The following TMEM132D variants were observed in gnomAD, a reference collection of about 807,000 sequenced individuals.
TMEM132D encodes the protein mature OL transmembrane protein.
In TMEM132D, 21 loss-of-function variants were observed where a neutral mutation model predicts 62.3. That is an observed-to-expected ratio of 0.34 (90% CI 0.24 to 0.49). The LOEUF is 0.49. TMEM132D is among the 20% of genes least tolerant of loss of function. TMEM132D has a pLI of 0.99. For missense variants in TMEM132D, 1,346 were observed against 1,402.8 expected (o/e 0.96, Z 0.65); for synonymous variants, 621 against 575.6 (o/e 1.08, Z -1.13).
intron 2 of TMEM132D, among the ~76,000 whole-genome samples, chr12:129,644,984 TAAAAAAAAAAA>T (rs749612311): frequency 7.9e-5 from 5 of 63,414 alleles, no homozygotes; most frequent in South Asian, 7.3e-4. Flanking sequence ...ATAGTCCATC[TAAAAAAAAAAA>T]AAAAAAAAAA....
At chr12:129,436,354 A>T (rs1008845357) in intron 3 of TMEM132D, among the ~76,000 whole-genome samples, 3 of 152,220 alleles carry the variant, frequency 2.0e-5, no homozygotes, top group Non-Finnish European at 4.4e-5. Flanking sequence ...TACCGCATGC[A>T]TCATCGAAAG....
At chr12:129,238,478 C>A (rs1183256443) in intron 4 of TMEM132D, among the ~76,000 whole-genome samples, 1 of 152,138 alleles carries the variant, frequency 6.6e-6, no homozygotes, top group African/African-American at 2.4e-5. Context: ...ACAACAACTT[C>A]CCTTTACCTT....
intron 2 of TMEM132D, among the ~76,000 whole-genome samples, chr12:129,540,137 C>CT (rs1876545340): frequency 1.3e-5 from 2 of 152,202 alleles, no homozygotes; most frequent in South Asian, 4.1e-4. Context: ...GAGCTACATG[C>CT]TTTCTGCACA....
intron 3 of TMEM132D, among the ~76,000 whole-genome samples, chr12:129,450,699 A>G (rs577253548): frequency 1.1e-3 from 167 of 151,674 alleles, no homozygotes; most frequent in Non-Finnish European, 2.1e-3. Context: ...CATTCAGGCA[A>G]TCACTGAGCA....
intron 2 of TMEM132D, among the ~76,000 whole-genome samples, chr12:129,567,973 TGC>T (rs1877414328): frequency 6.6e-6 from 1 of 152,228 alleles, no homozygotes; most frequent in Admixed American, 6.5e-5. Flanking sequence ...AGGGATGGAT[TGC>T]CATCTGAGTA....
In TMEM132D at chr12:129,492,981, G is replaced by A. The variant is rs538602287; in HGVS notation, c.1115+38078C>T. On this transcript the variant is annotated intron_variant, in intron 3 of 8. Transcript: ENST00000422113. ...GGATAGCGGCGCCAAGTCACCCCGC[G>A]GAACCTCCTGAGAATAATTAAGCTG... is the stretch of plus-strand genomic sequence containing the variant. Among the ~76,000 whole-genome samples the A allele has an allele frequency of 1.1e-4, 16 of 152,198 alleles. No homozygotes were observed. In the South Asian group the frequency reaches 1.7e-3, roughly 16 times the overall value.
chr12:129,244,187 C>T (rs1394606330), intron 4 of TMEM132D, among the ~76,000 whole-genome samples: 1 of 151,824 alleles, frequency 6.6e-6, no homozygotes, highest in East Asian at 1.9e-4. Flanking sequence ...AGATCGAGAC[C>T]ATCCTGGCTA....
chr12:129,129,697 A>G (rs1876315877), intron 5 of TMEM132D, among the ~76,000 whole-genome samples: 2 of 152,084 alleles, frequency 1.3e-5, no homozygotes, highest in South Asian at 4.1e-4. Context: ...CTGGTGAGAG[A>G]TGAAATCTCA....
chr12:129,331,279 G>A (rs2135651705), intron 4 of TMEM132D, among the ~76,000 whole-genome samples: 1 of 152,310 alleles, frequency 6.6e-6, no homozygotes, highest in South Asian at 2.1e-4. Context: ...GTCTTCCCCA[G>A]GATCTTCAGG....
intron 3 of TMEM132D, among the ~76,000 whole-genome samples, chr12:129,497,915 C>T (rs1414367300): frequency 6.6e-6 from 1 of 152,072 alleles, no homozygotes; most frequent in African/African-American, 2.4e-5. Flanking sequence ...CTCATCTCCA[C>T]TTCCGAAAGG....
intron 4 of TMEM132D, among the ~76,000 whole-genome samples, chr12:129,334,347 G>T (rs1869207774): frequency 6.8e-6 from 1 of 147,154 alleles, no homozygotes; most frequent in Admixed American, 6.6e-5. Flanking sequence ...GAGGAAGAGT[G>T]ATGGATCTAA....
intron 3 of TMEM132D, among the ~76,000 whole-genome samples, chr12:129,453,253 T>C (rs1873357310): frequency 6.6e-6 from 1 of 152,192 alleles, no homozygotes. Flanking sequence ...GGACCGCTGT[T>C]TTAGATGATC....
intron 3 of TMEM132D, among the ~76,000 whole-genome samples, chr12:129,349,848 C>G (rs1869810854): frequency 6.6e-6 from 1 of 152,186 alleles, no homozygotes; most frequent in Non-Finnish European, 1.5e-5. Context: ...TGCCTAAGGG[C>G]TTACGGAGCA....
At chr12:129,483,866 T>A (rs1874502952) in intron 3 of TMEM132D, among the ~76,000 whole-genome samples, 2 of 152,238 alleles carry the variant, frequency 1.3e-5, no homozygotes, top group African/African-American at 4.8e-5. Flanking sequence ...ATATCTGCAT[T>A]TCTCAATGAT....
chr12:129,205,729 C>T (rs149196034), intron 5 of TMEM132D, among the ~76,000 whole-genome samples: 10 of 152,164 alleles, frequency 6.6e-5, no homozygotes, highest in East Asian at 5.8e-4. Context: ...CTCATCACCA[C>T]GTGGAACATA....
intron 5 of TMEM132D, among the ~76,000 whole-genome samples, chr12:129,179,879 T>A (rs1299775678): frequency 1.3e-5 from 2 of 151,824 alleles, no homozygotes; most frequent in East Asian, 3.9e-4. Flanking sequence ...AATACAAAAA[T>A]TAGCCAGGCG....
chr12:129,899,666 C>T (rs1257575954), intron 1 of TMEM132D, among the ~76,000 whole-genome samples: 2 of 152,132 alleles, frequency 1.3e-5, no homozygotes, highest in East Asian at 1.9e-4. Context: ...TTGTTGTTTA[C>T]TCATTTTTTC....
At chr12:129,322,581 TTAC>T (rs1253547786) in intron 4 of TMEM132D, among the ~76,000 whole-genome samples, 1 of 152,160 alleles carries the variant, frequency 6.6e-6, no homozygotes. Context: ...CCCAATTTTA[TTAC>T]TACAAGGCAA....
intron 2 of TMEM132D, among the ~76,000 whole-genome samples, chr12:129,618,839 A>T (rs985268650): frequency 3.5e-4 from 53 of 152,188 alleles, no homozygotes; most frequent in Non-Finnish European, 6.5e-4. Context: ...GCTTGCTTTT[A>T]TATACTTTAG....
Sources: allele counts gnomAD v4.1 joint callset (sites outside exome capture counted in the v4.1 genomes callset), GRCh38; gene constraint gnomAD v4.1.1; transcripts MANE v1.5; gene names NCBI Gene and HGNC (gene_info 2026-07-23, HGNC 2026-07-21).